CERS4: variants seen among roughly 807,000 people sequenced by gnomAD.
The protein encoded by CERS4 is LAG1 homolog, ceramide synthase 4.
Under a neutral mutation model 51.8 loss-of-function variants are expected in CERS4, and 65 were observed. The ratio of observed to expected loss-of-function variants is 1.26; its 90% CI spans 1.03 to 1.54. The LOEUF (loss-of-function observed/expected upper bound fraction) is 1.54. Among genes scored for constraint, CERS4 ranks in the 40% most tolerant of loss-of-function variants. The pLI is 0.00. For missense variants in CERS4, 563 were observed against 500.4 expected, an observed-to-expected ratio of 1.13 and a Z score of -1.19; for synonymous variants, 228 against 208.4, an observed-to-expected ratio of 1.09 and a Z score of -0.81.
chr19:8,255,879 C>A lies in CERS4; in HGVS notation c.468C>A (p.His156Gln), dbSNP rs368700192. 6.2e-7 allele frequency: 1 copy of A among 1,613,812 alleles called. No homozygotes were observed. Among genetic ancestry groups the A allele is most frequent in the African/African-American group, 1.3e-5 (1 of 75,036 alleles). ...TGGGCGGCCTCTCGGTCCTGTACCA[C>A]GTGAGTATACCAGAGTATAGCTGAC... ...SFVGGLSVLYHESWLWAPVMC... is the reference protein window; with the variant it reads ...SFVGGLSVLYQESWLWAPVMC... Residue 156 changes from histidine to glutamine, a missense_variant and splice_region_variant, in exon 6 of 12, where the codon CAC (histidine) becomes CAA (glutamine). His to Gln is a conservative substitution (Grantham distance 24, BLOSUM62 0). Transcript: ENST00000251363.
At chr19:8,254,983 A>G (rs986178764) in intron 4 of CERS4, among the ~76,000 whole-genome samples, 1 of 152,060 alleles carries the variant, frequency 6.6e-6, no homozygotes, top group African/African-American at 2.4e-5. Context: ...GAGTGAGAGT[A>G]GTTGCTTGCT....
At chr19:8,238,496 G>C (rs1455866930) in intron 2 of CERS4, 1 of 985,206 alleles carries the variant, frequency 1.0e-6, no homozygotes, top group Non-Finnish European at 1.2e-6. Flanking sequence ...CATCTGGATG[G>C]CATGGGGCTG....
chr19:8,258,437 G>A (rs867460528), intron 10 of CERS4, among the ~76,000 whole-genome samples: 3 of 152,182 alleles, frequency 2.0e-5, no homozygotes, highest in Admixed American at 1.3e-4. Flanking sequence ...GGCCGGGCGT[G>A]GTAGCTCATG....
At chr19:8,258,088 G>A (rs1663126369) in intron 10 of CERS4, 103 bp downstream of exon 10, 1 of 930,918 alleles carries the variant, frequency 1.1e-6, no homozygotes, top group South Asian at 1.4e-5. Flanking sequence ...TGGGGATCTT[G>A]GCTGGGAGAG....
intron 3 of CERS4, among the ~76,000 whole-genome samples, chr19:8,251,980 A>C (rs1442965400): frequency 6.6e-6 from 1 of 151,536 alleles, no homozygotes; most frequent in Non-Finnish European, 1.5e-5. Flanking sequence ...TAATGTCAGC[A>C]ATTTGGGAGG....
chr19:8,216,251 C>T lies in CERS4; in HGVS notation c.-2+5389C>T, dbSNP rs150646191. 1.1e-3 allele frequency among the ~76,000 whole-genome samples: 172 copies of T among 151,848 alleles called. 1 individual carries two copies. Among genetic ancestry groups the T allele is most frequent in the African/African-American group, 3.9e-3 (161 of 41,414 alleles). On this transcript the variant is annotated intron_variant, in intron 2 of 11. Coordinates refer to ENST00000251363, the MANE Select transcript of CERS4 (RefSeq NM_024552.3). Reference sequence around the variant, plus strand: ...AAGATTAGCCAGGCGTGGTGGTGGGCGCCTGTAATCCCAGCTGCTTGGGAG... The same window carrying T: ...AAGATTAGCCAGGCGTGGTGGTGGGTGCCTGTAATCCCAGCTGCTTGGGAG...
At chr19:8,221,482 A>G (rs1282947357) in intron 2 of CERS4, among the ~76,000 whole-genome samples, 1 of 152,058 alleles carries the variant, frequency 6.6e-6, no homozygotes, top group African/African-American at 2.4e-5. Flanking sequence ...GAGGGAGAGA[A>G]AGTGTCTTCT....
intron 6 of CERS4, 99 bp from the exon 7 acceptor site, chr19:8,256,137 C>T: frequency 2.4e-6 from 3 of 1,275,392 alleles, no homozygotes; most frequent in Non-Finnish European, 3.3e-6. Flanking sequence ...GTGAAGGTAG[C>T]ATCTATGTGA....
At chr19:8,235,461 CCGGG>C (rs1315744180) in intron 2 of CERS4, among the ~76,000 whole-genome samples, 1 of 151,400 alleles carries the variant, frequency 6.6e-6, no homozygotes, top group Non-Finnish European at 1.5e-5. Context: ...CTAGTTCAGG[CCGGG>C]CATGGTGGCT....
intron 2 of CERS4, 36 bp from the exon 3 acceptor site, chr19:8,251,040 G>A (rs1969051031): frequency 6.5e-7 from 1 of 1,541,960 alleles, no homozygotes; most frequent in Non-Finnish European, 8.8e-7. Flanking sequence ...CATTCTGCTT[G>A]CAGACCTCCC....
chr19:8,257,957 T>C lies in CERS4; in HGVS notation c.820T>C (p.Tyr274His). 3.1e-6 allele frequency: 5 copies of C among 1,613,878 alleles called. No homozygotes were observed. Among genetic ancestry groups the C allele is most frequent in the Non-Finnish European group, 3.4e-6 (4 of 1,179,976 alleles). ...CCTCATCTTCTCCTTTGTCTTCTTC[T>C]ACACCCGACTGGTCCTCTTTCCCAC... ...LFLIFSFVFF[Y>H]TRLVLFPTQI... Residue 274 changes from tyrosine to histidine, a missense_variant, in exon 10 of 12, where the codon TAC (tyrosine) becomes CAC (histidine). Physicochemically the swap from Tyr to His is moderately conservative, Grantham distance 83 (BLOSUM62 2). Transcript: ENST00000251363.
intron 2 of CERS4, chr19:8,241,587 G>T (rs1968540563): frequency 6.6e-6 from 1 of 152,160 alleles, no homozygotes; most frequent in Non-Finnish European, 1.5e-5. Context: ...GTGAGCCACT[G>T]CACTCGGTCC....
chr19:8,249,587 A>ATT (rs869119452), intron 2 of CERS4, among the ~76,000 whole-genome samples: 6,276 of 90,942 alleles, frequency 0.069, 797 homozygotes, highest in Non-Finnish European at 0.084. Flanking sequence ...GGAACTCTGG[A>ATT]TTTTTTTTTT....
rs3042169 is a variant in CERS4 at position 8,231,851 on chromosome 19, A to ATTTTTTTTTTTTTTTTTTTTTT, written c.-1-19224_-1-19203dup. Among the ~76,000 whole-genome samples the ATTTTTTTTTTTTTTTTTTTTTT allele has an allele frequency of 1.5e-4, 16 of 104,410 alleles. 1 individual carries two copies. The highest frequency in any genetic ancestry group is 6.3e-4 in the South Asian group (2 of 3,170). 68.5% of individuals were successfully genotyped at this position (104,410 alleles called of 152,430 possible). A position where few individuals can be genotyped will look rare whatever the true frequency, so the allele number is the denominator to read the frequency against. On this transcript the variant is annotated intron_variant, in intron 2 of 11. Transcript: ENST00000251363. ...ACAAGCATGAGGCACTGTGCCCAGCATTTTTTTTTTTTTTTTTTTTTTAGA... is the reference window on the plus strand; with the variant it reads ...ACAAGCATGAGGCACTGTGCCCAGCATTTTTTTTTTTTTTTTTTTTTTTTTTTTTTTTTTTTTTTTTTTTAGA...
intron 3 of CERS4, 24 bp downstream of exon 3, chr19:8,251,273 C>T: frequency 3.2e-6 from 5 of 1,557,594 alleles, no homozygotes; most frequent in Non-Finnish European, 4.3e-6. Context: ...CTGCCGCAAT[C>T]CATTGCCCCC....
chr19:8,257,822 T>G (rs2145329482), intron 9 of CERS4, 57 bp from the exon 10 acceptor site: 1 of 1,375,876 alleles, frequency 7.3e-7, no homozygotes, highest in Admixed American at 1.7e-5. Context: ...TATAGCACCT[T>G]CTCTTTGAGA....
chr19:8,262,132 G>A lies in CERS4; in HGVS notation c.*23G>A. 7.0e-7 allele frequency: 1 copy of A among 1,436,188 alleles called. No homozygotes were observed. Among genetic ancestry groups the A allele is most frequent in the Non-Finnish European group, 9.1e-7 (1 of 1,097,094 alleles). The allele number at this position is 1,436,188 out of a possible 1,614,324, so 89.0% of individuals were successfully genotyped here. On this transcript the variant is annotated 3_prime_UTR_variant, in exon 12 of 12. Transcript: ENST00000251363. ...TAGCCGGGCGGGGCTGGCTGTAAGG[G>A]GTTGCCCCCCCGCCAGTGCCTTGGA...
intron 2 of CERS4, among the ~76,000 whole-genome samples, chr19:8,220,571 C>T (rs1967490334): frequency 6.6e-6 from 1 of 152,130 alleles, no homozygotes; most frequent in Non-Finnish European, 1.5e-5. Flanking sequence ...TCCCAAAGTA[C>T]TGGGAATACA....
chr19:8,230,852 G>A lies in CERS4; in HGVS notation c.-2+19990G>A, dbSNP rs559221659. Among the ~76,000 whole-genome samples, 291 of 152,000 alleles carry A rather than the reference G, an allele frequency of 1.9e-3. 2 individuals carry two copies. Among genetic ancestry groups the A allele is most frequent in the Non-Finnish European group, 3.1e-3 (210 of 67,960 alleles). On this transcript the variant is annotated intron_variant, in intron 2 of 11. Transcript: ENST00000251363. ...TGTTTTTTGTTTTGTTTGTTTGTTTGTTTTTGAGACAGGGTCTCACTCTGT... is the reference window on the plus strand; with the variant it reads ...TGTTTTTTGTTTTGTTTGTTTGTTTATTTTTGAGACAGGGTCTCACTCTGT...
Sources: gnomAD v4.1 joint callset for allele counts (sites outside exome capture counted in the v4.1 genomes callset) on GRCh38, gnomAD v4.1.1 for gene constraint, MANE v1.5 for transcripts, NCBI Gene and HGNC (gene_info 2026-07-23, HGNC 2026-07-21) for gene names.